Variants in ARAP2 observed in about 807,000 individuals in gnomAD.
The protein encoded by ARAP2 is ArfGAP with RhoGAP domain, ankyrin repeat and PH domain 2.
ARAP2 carries 148 observed loss-of-function variants against 194.5 expected under a neutral mutation model. That is an observed-to-expected ratio of 0.76 (90% confidence interval 0.67 to 0.87). ARAP2 has a LOEUF of 0.87. Among genes scored for constraint, ARAP2 ranks in the 40% least tolerant of loss-of-function variants. The pLI is 0.00. For synonymous variants in ARAP2, 695 were observed against 683.5 expected (o/e 1.02, Z -0.26); for missense variants, 2,128 against 1,989.7 (o/e 1.07, Z -1.32).
rs201722225 is a variant in ARAP2 at position 36,168,012 on chromosome 4, C to CA, written c.1858-966dup. 5.1e-3 allele frequency among the ~76,000 whole-genome samples: 610 copies of CA among 120,400 alleles called. 4 individuals carry two copies. Among genetic ancestry groups the CA allele is most frequent in the East Asian group, 0.039 (169 of 4,318 alleles). 79.0% of individuals were successfully genotyped at this position (120,400 alleles called of 152,430 possible). On this transcript the variant is annotated intron_variant, in intron 9 of 32. Coordinates refer to ENST00000303965, the MANE Select transcript of ARAP2 (RefSeq NM_015230.4). ...AAGTAGCAATATTAAAGGCAAAATA[C>CA]AAAAAAAAAAAAAATACTGGCCCAT... is the stretch of plus-strand genomic sequence containing the variant.
chr4:36,009,978 C>T (rs1273026571), intron 9 of ARAP2, among the ~76,000 whole-genome samples: 1 of 151,298 alleles, frequency 6.6e-6, no homozygotes, highest in Non-Finnish European at 1.5e-5. Context: ...TTTGTTTTTC[C>T]CTTCTGTTAA....
At position 36,090,625 on chromosome 4, in the gene ARAP2, C is replaced by G. The variant is rs1276588490; in HGVS notation, c.4425+1256G>C. Reference sequence around the variant, plus strand: ...GTCCTTTGCAAGAACATGGATAGAACTGGAGGCCATTATCGTTGGCAAACT... The same window carrying G: ...GTCCTTTGCAAGAACATGGATAGAAGTGGAGGCCATTATCGTTGGCAAACT... On this transcript the variant is annotated intron_variant, in intron 28 of 32. Coordinates refer to ENST00000303965, the MANE Select transcript of ARAP2 (RefSeq NM_015230.4). 3.9e-5 allele frequency among the ~76,000 whole-genome samples: 6 copies of G among 152,050 alleles called. No homozygotes were observed. The East Asian group carries it at 1.2e-3, about 29-fold the overall frequency.
chr4:36,137,112 A>G (rs1727033768), intron 19 of ARAP2, among the ~76,000 whole-genome samples: 1 of 151,872 alleles, frequency 6.6e-6, no homozygotes, highest in African/African-American at 2.4e-5. Flanking sequence ...ATATGTTCTA[A>G]GAATCTTAAA....
chr4:36,131,474 G>A (rs1725441385), intron 20 of ARAP2, among the ~76,000 whole-genome samples: 1 of 151,272 alleles, frequency 6.6e-6, no homozygotes. Flanking sequence ...AAGTGTGTGT[G>A]TATAACTATA....
At chr4:36,092,384 C>A (rs1265851774) in intron 27 of ARAP2, among the ~76,000 whole-genome samples, 1 of 151,652 alleles carries the variant, frequency 6.6e-6, no homozygotes. Flanking sequence ...CCGAGGCGGG[C>A]GGATTATCTG....
In ARAP2 at chr4:36,177,956, T is replaced by C. The variant is rs538909172; in HGVS notation, c.1728A>G (p.Gln576=). 2.0e-5 allele frequency: 32 copies of C among 1,613,076 alleles called. No homozygotes were observed. Among genetic ancestry groups the C allele is most frequent in the South Asian group, 1.7e-4 (15 of 90,890 alleles). The change falls in exon 9 of 33, where the codon CAA becomes CAG. Residue 576 remains glutamine (Q), a synonymous_variant. Coordinates refer to ENST00000303965, the MANE Select transcript of ARAP2 (RefSeq NM_015230.4). ...ISILLNALKS[Q]SLTSQSQAVV... ...CAGCTTGAGACTGCGAGGTAAGGGA[T>C]TGTGATTTCAGTGCATTTAATAGTA...
At chr4:36,051,973 A>G (rs1200999150) in intron 3 of ARAP2, 2 of 152,202 alleles carry the variant, frequency 1.3e-5, no homozygotes, top group Admixed American at 6.5e-5. Context: ...AGTATTTTTT[A>G]TATGCTCTTC....
At chr4:36,060,668 T>G (rs1724279037) in intron 1 of ARAP2, among the ~76,000 whole-genome samples, 2 of 152,198 alleles carry the variant, frequency 1.3e-5, no homozygotes, top group Admixed American at 6.5e-5. Context: ...TATTTTCTCA[T>G]AGTTTTAAGG....
chr4:36,097,952 C>A (rs781760035), intron 27 of ARAP2, among the ~76,000 whole-genome samples: 1 of 151,962 alleles, frequency 6.6e-6, no homozygotes, highest in Non-Finnish European at 1.5e-5. Context: ...TAGAAAAGCT[C>A]TTTAAAAGTC....
intron 1 of ARAP2, among the ~76,000 whole-genome samples, chr4:36,058,309 T>A (rs553636967): frequency 1.3e-5 from 2 of 152,332 alleles, no homozygotes; most frequent in African/African-American, 2.4e-5. Flanking sequence ...TATAGTTAGT[T>A]TTCTATTCCT....
intron 6 of ARAP2, among the ~76,000 whole-genome samples, chr4:36,208,767 T>C (rs548505179): frequency 1.3e-5 from 2 of 152,072 alleles, no homozygotes; most frequent in African/African-American, 2.4e-5. Flanking sequence ...TAAAATTTCT[T>C]GGTGATATAC....
intron 19 of ARAP2, among the ~76,000 whole-genome samples, chr4:36,136,706 C>T (rs1444291765): frequency 1.3e-5 from 2 of 151,514 alleles, no homozygotes; most frequent in South Asian, 2.1e-4. Flanking sequence ...CACAGAAATA[C>T]GGTTATCAGC....
intron 6 of ARAP2, among the ~76,000 whole-genome samples, chr4:36,018,358 C>G (rs1716255607): frequency 6.6e-6 from 1 of 151,484 alleles, no homozygotes; most frequent in Non-Finnish European, 1.5e-5. Flanking sequence ...TGTTACAAAG[C>G]ACCTGGCTCT....
chr4:36,162,095 G>A (rs1455099261), intron 11 of ARAP2, among the ~76,000 whole-genome samples: 11 of 116,610 alleles, frequency 9.4e-5, no homozygotes, highest in African/African-American at 2.0e-4. Context: ...GCGACAGAGC[G>A]AGACTCCGTC....
chr4:36,229,244 A>G lies in ARAP2; in HGVS notation c.243T>C (p.His81=), dbSNP rs747014291. The G allele has an allele frequency of 6.2e-7, 1 of 1,614,048 alleles. No homozygotes were observed. Among genetic ancestry groups the G allele is most frequent in the South Asian group, 1.1e-5 (1 of 91,068 alleles). Residue 81 remains histidine (H), a synonymous_variant, in exon 2 of 33, where the codon CAT becomes CAC. Coordinates refer to ENST00000303965, the MANE Select transcript of ARAP2 (RefSeq NM_015230.4). ...MQDIPIYANV[H]KTKKNDDPSK... ...AAGGGTCATCATTCTTCTTAGTTTT[A>G]TGAACATTTGCATATATTGGAATAT...
chr4:36,155,322 C>T (rs1303074357), intron 15 of ARAP2, among the ~76,000 whole-genome samples: 3 of 152,164 alleles, frequency 2.0e-5, no homozygotes, highest in Admixed American at 2.0e-4. Flanking sequence ...GACAAACATA[C>T]ACAGCATCCT....
intron 27 of ARAP2, among the ~76,000 whole-genome samples, chr4:36,105,317 C>G (rs1718099595): frequency 6.6e-6 from 1 of 151,958 alleles, no homozygotes; most frequent in Non-Finnish European, 1.5e-5. Context: ...CAGCAAGACT[C>G]CATCTCAAAA....
chr4:36,169,954 A>G (rs1376498542), intron 9 of ARAP2, among the ~76,000 whole-genome samples: 1 of 152,264 alleles, frequency 6.6e-6, no homozygotes, highest in Non-Finnish European at 1.5e-5. Context: ...TGCTCTTGAG[A>G]GCTATCATAT....
At chr4:36,213,714 A>G (rs1038994058) in intron 3 of ARAP2, among the ~76,000 whole-genome samples, 1 of 152,078 alleles carries the variant, frequency 6.6e-6, no homozygotes, top group African/African-American at 2.4e-5. Context: ...GCTTAATTCT[A>G]TAACTTACAA....
Sources: gnomAD v4.1 joint callset for allele counts (sites outside exome capture counted in the v4.1 genomes callset) on GRCh38, gnomAD v4.1.1 for gene constraint, MANE v1.5 for transcripts, NCBI Gene and HGNC (gene_info 2026-07-23, HGNC 2026-07-21) for gene names.